The following SPTB variants were observed in gnomAD, a reference collection of about 807,000 sequenced individuals.
The protein encoded by SPTB is spectrin beta, erythrocytic.
In SPTB, 45 loss-of-function variants were observed where a neutral mutation model predicts 256.2. The ratio of observed to expected loss-of-function variants is 0.18; its 90% confidence interval spans 0.14 to 0.23. The LOEUF is 0.23. Ranked by LOEUF, SPTB falls within the 10% of genes least tolerant of loss-of-function variation. SPTB has a pLI of 1.00. For missense variants in SPTB, 2,715 were observed against 3,040.4 expected (o/e 0.89, Z 2.52); for synonymous variants, 1,231 against 1,243.1 (o/e 0.99, Z 0.21).
In SPTB at chr14:64,773,357, C is replaced by G; in HGVS notation, c.5041G>C (p.Glu1681Gln). The G allele has an allele frequency of 2.5e-6, 4 of 1,614,244 alleles. No homozygotes were observed. Among genetic ancestry groups the G allele is most frequent in the Non-Finnish European group, 3.4e-6 (4 of 1,180,046 alleles). ...HYAGLKDVAEERKRKLENMYH... is the reference protein window; with the variant it reads ...HYAGLKDVAEQRKRKLENMYH... ...ATGTTCTCCAGCTTGCGCTTGCGCT[C>G]TTCCGCCACGTCCTTCAGCCCTGCG... The change falls in exon 25 of 36, where the codon GAG becomes CAG. Residue 1681 changes from glutamate to glutamine, a missense_variant. Physicochemically the swap from Glu to Gln is conservative, Grantham distance 29. Transcript: ENST00000644917.
Position 64,749,129 on chromosome 14 carries a change from G to C in SPTB, c.*177C>G. The C allele has an allele frequency of 4.5e-6, 3 of 661,804 alleles. No homozygotes were observed. The South Asian group carries it at 5.8e-5, about 13-fold the overall frequency. The allele number at this position is 661,804 out of a possible 1,614,324, so 41.0% of individuals were successfully genotyped here. On this transcript the variant is annotated 3_prime_UTR_variant, in exon 36 of 36. Coordinates refer to ENST00000644917, the MANE Select transcript of SPTB (RefSeq NM_001355436.2). The surrounding 1 kb of genome is among the most constrained non-coding windows in gnomAD (Gnocchi z 4.7). ...GCGCGGGCGAGGGCATGGAGGGGGCGTCGGCCCAGGACACGCGGGCGAAGG... is the reference window on the plus strand; with the variant it reads ...GCGCGGGCGAGGGCATGGAGGGGGCCTCGGCCCAGGACACGCGGGCGAAGG...
rs1566777600 is a variant in SPTB, at chr14:64,807,846, G to A, written c.149-2756C>T. 6.6e-6 allele frequency among the ~76,000 whole-genome samples: 1 copy of A among 152,194 alleles called. No individual in the cohort carries two copies. Among genetic ancestry groups the A allele is most frequent in the Non-Finnish European group, 1.5e-5 (1 of 68,024 alleles). On this transcript the variant is annotated intron_variant, in intron 2 of 35. Transcript: ENST00000644917. This position sits in a 1 kb window ranked among gnomAD's most constrained non-coding sequence, Gnocchi z 4.7. ...GGCCTGCTGTCCCCAGGGGACCCAGGCCATCCTACTGGGACCCACCATGGG... is the reference window on the plus strand; with the variant it reads ...GGCCTGCTGTCCCCAGGGGACCCAGACCATCCTACTGGGACCCACCATGGG...
chr14:64,845,364 A>G lies in SPTB; in HGVS notation c.-51-22219T>C, dbSNP rs1364711807. On this transcript the variant is annotated intron_variant, in intron 1 of 35. Coordinates refer to ENST00000644917, the MANE Select transcript of SPTB (RefSeq NM_001355436.2). This position sits in a 1 kb window ranked among gnomAD's most constrained non-coding sequence, Gnocchi z 4.8. Reference sequence around the variant, plus strand: ...GATGTAAAGCTCATGAATACAGAACAGATACTGGCTGTGTGGCACAAGTGG... The same window carrying G: ...GATGTAAAGCTCATGAATACAGAACGGATACTGGCTGTGTGGCACAAGTGG... 6.6e-6 allele frequency among the ~76,000 whole-genome samples: 1 copy of G among 152,206 alleles called. No homozygotes were observed. Among genetic ancestry groups the G allele is most frequent in the Non-Finnish European group, 1.5e-5 (1 of 68,046 alleles).
At chr14:64,817,113 G>A (rs1328120007) in intron 2 of SPTB, among the ~76,000 whole-genome samples, 1 of 152,216 alleles carries the variant, frequency 6.6e-6, no homozygotes, top group Non-Finnish European at 1.5e-5. Flanking sequence ...GAGAGAGGAA[G>A]AATAGCTTTT....
chr14:64,791,659 C>G, intron 15 of SPTB, 60 bp downstream of exon 15: 2 of 1,608,586 alleles, frequency 1.2e-6, no homozygotes, highest in South Asian at 2.2e-5. Flanking sequence ...GCCCGGCCCC[C>G]AGCAGTGTGT....
intron 1 of SPTB, among the ~76,000 whole-genome samples, chr14:64,868,923 G>A (rs2139818703): frequency 6.6e-6 from 1 of 152,042 alleles, no homozygotes; most frequent in South Asian, 2.1e-4. Flanking sequence ...GCTAATAAGG[G>A]GATTCAAGTC....
At position 64,859,000 on chromosome 14, in the gene SPTB, T is replaced by TG. The variant is rs2083916351; in HGVS notation, c.-52+20791dup. 2.0e-5 allele frequency among the ~76,000 whole-genome samples: 3 copies of TG among 152,342 alleles called. No homozygotes were observed. The South Asian group carries it at 6.2e-4, about 32-fold the overall frequency. ...TAGGCCAGGTGCAATGGCTTACACC[T>TG]GTAATCCCAGCACTTTGGGAGGTTG... On this transcript the variant is annotated intron_variant, in intron 1 of 35. Coordinates refer to ENST00000644917, the MANE Select transcript of SPTB (RefSeq NM_001355436.2).
At chr14:64,861,376 A>G (rs905934245) in intron 1 of SPTB, among the ~76,000 whole-genome samples, 2 of 152,178 alleles carry the variant, frequency 1.3e-5, no homozygotes, top group Non-Finnish European at 2.9e-5. Flanking sequence ...CATACACTCA[A>G]GCCTCATATA....
At chr14:64,757,894 C>G (rs1328912771) in intron 32 of SPTB, among the ~76,000 whole-genome samples, 3 of 152,344 alleles carry the variant, frequency 2.0e-5, no homozygotes, top group East Asian at 3.9e-4. Flanking sequence ...GGCCCCTTCC[C>G]TCAGCCCTCT....
chr14:64,753,088 T>C (rs1272867678), intron 33 of SPTB, among the ~76,000 whole-genome samples: 1 of 152,142 alleles, frequency 6.6e-6, no homozygotes, highest in African/African-American at 2.4e-5. Flanking sequence ...CACCGAGGCC[T>C]AGACTGGTAA....
rs2081870141 is a variant in SPTB at position 64,747,756 on chromosome 14, G to C, written c.*1550C>G. On this transcript the variant is annotated 3_prime_UTR_variant, in exon 36 of 36. Coordinates refer to ENST00000644917, the MANE Select transcript of SPTB (RefSeq NM_001355436.2). ...GATAGAAACTTGACTGCAGGCCCTG[G>C]GGACTTTCATGGTTTCCTTGGGGGA... The C allele has an allele frequency of 6.6e-6, 1 of 152,416 alleles. No homozygotes were observed. The highest frequency in any genetic ancestry group is 1.5e-5 in the Non-Finnish European group (1 of 68,290). The allele number at this position is 152,416 out of a possible 1,614,324, so 9.4% of individuals were successfully genotyped here.
intron 1 of SPTB, among the ~76,000 whole-genome samples, chr14:64,861,339 A>G (rs2139802295): frequency 6.6e-6 from 1 of 152,264 alleles, no homozygotes; most frequent in Non-Finnish European, 1.5e-5. Flanking sequence ...ATAAAGGAGA[A>G]AATAAAAGTG....
intron 23 of SPTB, 140 bp from the exon 24 acceptor site, chr14:64,774,667 C>T: frequency 7.9e-7 from 1 of 1,271,744 alleles, no homozygotes; most frequent in Non-Finnish European, 1.1e-6. Context: ...GCCACACATG[C>T]TTCCTTCCTG....
At chr14:64,837,959 T>C (rs560447815) in intron 1 of SPTB, among the ~76,000 whole-genome samples, 57 of 152,234 alleles carry the variant, frequency 3.7e-4, no homozygotes, top group African/African-American at 1.3e-3. Context: ...GAAAATAGAA[T>C]AGACAAAGCC....
intron 1 of SPTB, among the ~76,000 whole-genome samples, chr14:64,855,471 C>A (rs1435557661): frequency 6.6e-6 from 1 of 152,146 alleles, no homozygotes. Context: ...ACCAAATATT[C>A]ATCATCCCTT....
Position 64,769,624 on chromosome 14 carries a change from G to A in SPTB, c.5903C>T (p.Ser1968Phe). The A allele has an allele frequency of 6.2e-7, 1 of 1,614,088 alleles. No individual in the cohort carries two copies. The highest frequency in any genetic ancestry group is 1.1e-5 in the South Asian group (1 of 91,084). ...NFSACLELGE[S>F]LLQRQHQASE... is the part of the protein sequence containing the mutation. The stretch of plus-strand genomic sequence containing the variant: ...GGCCTGGTGCTGCCGCTGCAGCAGG[G>A]ACTCGCCAAGCTCCAGGCAGGCACT... Residue 1968 changes from serine (S) to phenylalanine (F), a missense_variant, in exon 28 of 36, where the codon TCC becomes TTC. Around this residue, in one of 4 missense-constraint regions of SPTB, gnomAD observed 2,239 missense variants for 2,384.4 expected, o/e 0.94. Coordinates refer to ENST00000644917, the MANE Select transcript of SPTB (RefSeq NM_001355436.2).
intron 1 of SPTB, among the ~76,000 whole-genome samples, chr14:64,869,868 G>T (rs1951496): frequency 0.016 from 2,464 of 150,134 alleles, 58 homozygotes; most frequent in South Asian, 0.1. Flanking sequence ...GGGCTCAAGC[G>T]ATCTGCCCAC....
chr14:64,791,565 CAAAAAAAAAAAAAA>C (rs563905446), intron 15 of SPTB, among the ~76,000 whole-genome samples, 140 bp downstream of exon 15: 674 of 45,860 alleles, frequency 0.015, 21 homozygotes, highest in African/African-American at 0.052. Context: ...GGTTCTGTGT[CAAAAAAAAAAAAAA>C]AAAAAAAAAA....
In SPTB at chr14:64,767,362, G is replaced by C; in HGVS notation, c.6220-10C>G. The C allele has an allele frequency of 6.2e-7, 1 of 1,614,008 alleles. No homozygotes were observed. Among genetic ancestry groups the C allele is most frequent in the Non-Finnish European group, 8.5e-7 (1 of 1,180,024 alleles). On this transcript the variant is annotated splice_polypyrimidine_tract_variant and intron_variant, in intron 30 of 35. Transcript: ENST00000644917. ...GTTCTTTCAGCTCAAGCTAGAGGAG[G>C]AGAAGGCCCAGGGGTCAGAGCAGCC...
Sources: gnomAD v4.1 joint callset for allele counts (sites outside exome capture counted in the v4.1 genomes callset) on GRCh38, gnomAD v4.1.1 for gene constraint, gnomAD v4.1.1 regional missense constraint, Gnocchi (gnomAD v3.1) non-coding constraint, MANE v1.5 for transcripts, NCBI Gene and HGNC (gene_info 2026-07-23, HGNC 2026-07-21) for gene names.